The following ZNF202 variants were observed in gnomAD, a reference collection of about 807,000 sequenced individuals.
The protein encoded by ZNF202 is zinc finger protein 202.
ZNF202 carries 22 observed loss-of-function variants against 54.5 expected under a neutral mutation model. The observed-to-expected ratio is 0.40, with a 90% CI of 0.29 to 0.58. ZNF202 has a LOEUF of 0.58. Among genes scored for constraint, ZNF202 ranks in the 20% least tolerant of loss-of-function variants. The pLI is 0.39. For missense variants in ZNF202, 644 were observed against 805.5 expected (o/e 0.80, Z 2.43); for synonymous variants, 294 against 301.4 (o/e 0.98, Z 0.26).
At position 123,730,238 on chromosome 11, in the gene ZNF202, G is replaced by A. The variant is rs1309952209; in HGVS notation, c.402+249C>T. On this transcript the variant is annotated intron_variant, in intron 4 of 8. Coordinates refer to ENST00000530393, the MANE Select transcript of ZNF202 (RefSeq NM_003455.4). This position sits in a 1 kb window ranked among gnomAD's most constrained non-coding sequence, Gnocchi z 6.0. ...CCCACGGCTCAACATTCAAAGAAGGGAAAACCAAAGCCATGACCCTTTGGT... is the reference window on the plus strand; with the variant it reads ...CCCACGGCTCAACATTCAAAGAAGGAAAAACCAAAGCCATGACCCTTTGGT... Among the ~76,000 whole-genome samples, 3 of 152,096 alleles carry A rather than the reference G, an allele frequency of 2.0e-5. No individual in the cohort carries two copies. Among genetic ancestry groups the A allele is most frequent in the Non-Finnish European group, 4.4e-5 (3 of 68,004 alleles).
intron 1 of ZNF202, 96 bp downstream of exon 1, chr11:123,741,453 G>GT (rs1465840862): frequency 6.6e-6 from 1 of 152,336 alleles, no homozygotes; most frequent in African/African-American, 2.4e-5. Flanking sequence ...GGGGTCTCCG[G>GT]TCCCTCCCCC....
chr11:123,736,781 G>A (rs1225253438), intron 3 of ZNF202, among the ~76,000 whole-genome samples: 2 of 152,102 alleles, frequency 1.3e-5, no homozygotes, highest in East Asian at 3.9e-4. Flanking sequence ...CAAAAATGTG[G>A]CTAATACTAC....
rs563533972 is a variant in ZNF202, at chr11:123,726,780, G to A, written c.1164C>T (p.Pro388=). The change falls in exon 9 of 9, where the codon CCC becomes CCT. Residue 388 remains proline (P), a synonymous_variant. Transcript: ENST00000530393. This position sits in a 1 kb window ranked among gnomAD's most constrained non-coding sequence, Gnocchi z 6.0. ...NSFVNLRETT[P]VHPLLGRHHD... ...GATGCCTCCCTAACAGGGGGTGGAC[G>A]GGTGTAGTTTCCCGAAGGTTCACAA... 2.2e-5 allele frequency: 35 copies of A among 1,614,202 alleles called. No individual in the cohort carries two copies. The highest frequency in any genetic ancestry group is 1.3e-4 in the East Asian group (6 of 44,888).
rs1429238468 is a variant in ZNF202 at position 123,724,693 on chromosome 11, G to A, written c.*1304C>T. The A allele has an allele frequency of 4.6e-5, 7 of 152,152 alleles. No homozygotes were observed. Among genetic ancestry groups the A allele is most frequent in the African/African-American group, 1.7e-4 (7 of 41,420 alleles). 9.4% of individuals were successfully genotyped at this position (152,152 alleles called of 1,614,324 possible). A position where few individuals can be genotyped will look rare whatever the true frequency, so the allele number is the denominator to read the frequency against. On this transcript the variant is annotated 3_prime_UTR_variant, in exon 9 of 9. Coordinates refer to ENST00000530393, the MANE Select transcript of ZNF202 (RefSeq NM_003455.4). ...CCTCATCTCCAAGGAACCTTTAACTGGCAACAGAGATTGTTGGGCCATCAT... is the reference window on the plus strand; with the variant it reads ...CCTCATCTCCAAGGAACCTTTAACTAGCAACAGAGATTGTTGGGCCATCAT...
At position 123,730,384 on chromosome 11, in the gene ZNF202, C is replaced by A; in HGVS notation, c.402+103G>T. 7.1e-7 allele frequency: 1 copy of A among 1,405,122 alleles called. No individual in the cohort carries two copies. Among genetic ancestry groups the A allele is most frequent in the South Asian group, 1.6e-5 (1 of 63,108 alleles). The allele number at this position is 1,405,122 out of a possible 1,614,324, so 87.0% of individuals were successfully genotyped here. On this transcript the variant is annotated intron_variant, in intron 4 of 8. Transcript: ENST00000530393. The surrounding 1 kb of genome is among the most constrained non-coding windows in gnomAD (Gnocchi z 6.0). ...TATATGAGCAACCCAAGGGCAGAGC[C>A]CACTAATAATTTATGGGGATCCTGC...
rs766482623 is a variant in ZNF202 at position 123,730,920 on chromosome 11, A to G, written c.-32T>C. On this transcript the variant is annotated 5_prime_UTR_variant, in exon 4 of 9. Transcript: ENST00000530393. This position sits in a 1 kb window ranked among gnomAD's most constrained non-coding sequence, Gnocchi z 6.0. ...GCTTTGGGGTGGTCTCACACCATCT[A>G]GAGCTCACACTGTCATTAGCCCCCC... 8 of 1,587,854 alleles carry G rather than the reference A, an allele frequency of 5.0e-6. No homozygotes were observed. In the South Asian group the frequency reaches 9.2e-5, roughly 18 times the overall value.
Position 123,726,710 on chromosome 11 carries a change from G to C in ZNF202, c.1234C>G (p.Leu412Val), listed in dbSNP as rs1399024288. ...CGKSFTCNSH[L>V]VRHLRTHTGE... Reference sequence around the variant, plus strand: ...GTGTGAGTCCTCAGGTGTCTAACAAGGTGGGAGTTACAAGTGAAGCTCTTT... The same window carrying C: ...GTGTGAGTCCTCAGGTGTCTAACAACGTGGGAGTTACAAGTGAAGCTCTTT... Residue 412 changes from leucine to valine, a missense_variant, in exon 9 of 9, where the codon CTT (leucine) becomes GTT (valine). Leu to Val is a conservative substitution (Grantham distance 32). Transcript: ENST00000530393. The surrounding 1 kb of genome is among the most constrained non-coding windows in gnomAD (Gnocchi z 6.0). The C allele has an allele frequency of 6.2e-7, 1 of 1,614,236 alleles. No individual in the cohort carries two copies.
In ZNF202 at chr11:123,728,282, T is replaced by C. The variant is rs1460382668; in HGVS notation, c.703-20A>G. ...CAGTCCCTGAAACCACATAAGGATT[T>C]CATCAAAACGTGATGCTACGGGTAG... On this transcript the variant is annotated intron_variant, in intron 6 of 8. Transcript: ENST00000530393. 6.3e-7 allele frequency: 1 copy of C among 1,597,302 alleles called. No homozygotes were observed. Among genetic ancestry groups the C allele is most frequent in the East Asian group, 2.3e-5 (1 of 43,936 alleles).
chr11:123,732,624 G>A (rs918450633), intron 3 of ZNF202, among the ~76,000 whole-genome samples: 25 of 152,054 alleles, frequency 1.6e-4, no homozygotes, highest in African/African-American at 5.1e-4. Flanking sequence ...GTAGTGACCT[G>A]GGCACCTCTC....
intron 3 of ZNF202, among the ~76,000 whole-genome samples, chr11:123,734,076 G>A (rs1039520857): frequency 7.2e-5 from 11 of 151,986 alleles, no homozygotes; most frequent in Middle Eastern, 3.2e-3. Context: ...GAACCTATGC[G>A]CTTTCCTTTA....
chr11:123,728,413 G>T, intron 6 of ZNF202, 151 bp from the exon 7 acceptor site: 1 of 1,033,024 alleles, frequency 9.7e-7, no homozygotes, highest in Non-Finnish European at 1.3e-6. Flanking sequence ...GGGGAGCCAT[G>T]TGTCCCCTGT....
chr11:123,735,402 T>C (rs1861589652), intron 3 of ZNF202, among the ~76,000 whole-genome samples: 1 of 152,206 alleles, frequency 6.6e-6, no homozygotes, highest in African/African-American at 2.4e-5. Context: ...AAACTTGCCA[T>C]TTAAAAATGC....
chr11:123,740,788 G>C lies in ZNF202; in HGVS notation c.-293-252C>G, dbSNP rs146569417. The stretch of plus-strand genomic sequence containing the variant: ...TCTGAAGGAACACAGCCTATCCATG[G>C]CACAAAAACAAATTTTTAATCAAGA... On this transcript the variant is annotated intron_variant, in intron 1 of 8. Transcript: ENST00000530393. Among the ~76,000 whole-genome samples, 330 of 152,280 alleles carry C rather than the reference G, an allele frequency of 2.2e-3. 4 individuals are homozygous for C. The highest frequency in any genetic ancestry group is 6.9e-3 in the African/African-American group (285 of 41,546).
In ZNF202 at chr11:123,730,390, A is replaced by G; in HGVS notation, c.402+97T>C. On this transcript the variant is annotated intron_variant, in intron 4 of 8. Coordinates refer to ENST00000530393, the MANE Select transcript of ZNF202 (RefSeq NM_003455.4). This position sits in a 1 kb window ranked among gnomAD's most constrained non-coding sequence, Gnocchi z 6.0. ...AGCAACCCAAGGGCAGAGCCCACTA[A>G]TAATTTATGGGGATCCTGCAAGCTC... 6.9e-7 allele frequency: 1 copy of G among 1,444,182 alleles called. No individual in the cohort carries two copies. The highest frequency in any genetic ancestry group is 9.2e-7 in the Non-Finnish European group (1 of 1,090,898). 89.5% of individuals were successfully genotyped at this position (1,444,182 alleles called of 1,614,324 possible).
chr11:123,730,957 G>A lies in ZNF202; in HGVS notation c.-69C>T. 5.9e-6 allele frequency: 9 copies of A among 1,526,692 alleles called. No homozygotes were observed. The highest frequency in any genetic ancestry group is 7.9e-6 in the Non-Finnish European group (9 of 1,137,990). The allele number at this position is 1,526,692 out of a possible 1,614,324, so 94.6% of individuals were successfully genotyped here. A position where few individuals can be genotyped will look rare whatever the true frequency, so the allele number is the denominator to read the frequency against. On this transcript the variant is annotated 5_prime_UTR_variant, in exon 4 of 9. Coordinates refer to ENST00000530393, the MANE Select transcript of ZNF202 (RefSeq NM_003455.4). The surrounding 1 kb of genome is among the most constrained non-coding windows in gnomAD (Gnocchi z 6.0). ...GTCATTAGCCCCCCGCCTCAGCCTGGACACAGCGAGGATTTTCTTCCAAGG... is the reference window on the plus strand; with the variant it reads ...GTCATTAGCCCCCCGCCTCAGCCTGAACACAGCGAGGATTTTCTTCCAAGG...
intron 6 of ZNF202, 40 bp from the exon 7 acceptor site, chr11:123,728,302 G>C (rs200352637): frequency 1.9e-6 from 3 of 1,572,834 alleles, no homozygotes; most frequent in African/African-American, 2.7e-5. Flanking sequence ...GTGATGCTAC[G>C]GGTAGCCTCG....
In ZNF202 at chr11:123,730,359, T is replaced by G; in HGVS notation, c.402+128A>C. On this transcript the variant is annotated intron_variant, in intron 4 of 8. Transcript: ENST00000530393. This position sits in a 1 kb window ranked among gnomAD's most constrained non-coding sequence, Gnocchi z 6.0. ...TCCCCCTAATCCATGGGGCTCATGG[T>G]ATATGAGCAACCCAAGGGCAGAGCC... The G allele has an allele frequency of 8.4e-7, 1 of 1,186,528 alleles. No individual in the cohort carries two copies. The highest frequency in any genetic ancestry group is 1.2e-6 in the Non-Finnish European group (1 of 867,834). The allele number at this position is 1,186,528 out of a possible 1,614,324, so 73.5% of individuals were successfully genotyped here. A position where few individuals can be genotyped will look rare whatever the true frequency, so the allele number is the denominator to read the frequency against.
intron 3 of ZNF202, among the ~76,000 whole-genome samples, chr11:123,732,252 T>C (rs771953992): frequency 1.3e-5 from 2 of 152,230 alleles, no homozygotes; most frequent in African/African-American, 2.4e-5. Flanking sequence ...ACGAGCTCTC[T>C]TGGCAAACGT....
Position 123,725,896 on chromosome 11 carries a change from C to T in ZNF202, c.*101G>A, listed in dbSNP as rs1267692879. 3.6e-6 allele frequency: 5 copies of T among 1,389,320 alleles called. No individual in the cohort carries two copies. In the Admixed American group the frequency reaches 1.0e-4, roughly 28 times the overall value. The allele number at this position is 1,389,320 out of a possible 1,614,324, so 86.1% of individuals were successfully genotyped here. A position where few individuals can be genotyped will look rare whatever the true frequency, so the allele number is the denominator to read the frequency against. On this transcript the variant is annotated 3_prime_UTR_variant, in exon 9 of 9. Coordinates refer to ENST00000530393, the MANE Select transcript of ZNF202 (RefSeq NM_003455.4). Reference sequence around the variant, plus strand: ...GTCAGATCTGAGCAGGTCAGGGAGACTCCCTCGAAAAGGTCTTCCCAGGCT... The same window carrying T: ...GTCAGATCTGAGCAGGTCAGGGAGATTCCCTCGAAAAGGTCTTCCCAGGCT...
Sources: allele counts gnomAD v4.1 joint callset (sites outside exome capture counted in the v4.1 genomes callset), GRCh38; gene constraint gnomAD v4.1.1; non-coding constraint Gnocchi (gnomAD v3.1); transcripts MANE v1.5; gene names NCBI Gene and HGNC (gene_info 2026-07-23, HGNC 2026-07-21).